GNAS: variants seen among roughly 807,000 people sequenced by gnomAD.
GNAS encodes GNAS complex locus, also known as protein ALEX.
GNAS carries 8 observed loss-of-function variants against 54.5 expected under a neutral mutation model. That is an observed-to-expected ratio of 0.15 (90% CI 0.09 to 0.26). GNAS has a LOEUF of 0.26. Among genes scored for constraint, GNAS ranks in the 10% least tolerant of loss-of-function variants. GNAS has a pLI of 1.00. For missense variants in GNAS, 170 were observed against 529.8 expected, an observed-to-expected ratio of 0.32 and a Z score of 6.67; for synonymous variants, 204 against 191.4, an observed-to-expected ratio of 1.07 and a Z score of -0.54.
chr20:58,850,850 GCTTCCAACCACCCCA>G, intron 1 of GNAS: 1 of 398,830 alleles, frequency 2.5e-6, no homozygotes, highest in Non-Finnish European at 4.4e-6. Flanking sequence ...CCCCCCACCG[GCTTCCAACCACCCCA>G]GCAGCACCTC....
chr20:58,889,368 G>A (rs1468180159), upstream of GNAS: 26 of 983,806 alleles, frequency 2.6e-5, no homozygotes, highest in Non-Finnish European at 3.0e-5. Context: ...GTCGGGGAGC[G>A]CCGGGGCCTC....
At position 58,854,377 on chromosome 20, in the gene GNAS, G is replaced by A. The variant is rs780553564; in HGVS notation, c.43+13491G>A. ...GGAGCCGCTGATGCCGCGGAGGGAGGAAAAGTACCCTCTCCGGGGTACGGA... is the reference window on the plus strand; with the variant it reads ...GGAGCCGCTGATGCCGCGGAGGGAGAAAAAGTACCCTCTCCGGGGTACGGA... On this transcript the variant is annotated intron_variant, in intron 1 of 12. Transcript: ENST00000306090. The A allele has an allele frequency of 2.9e-5, 45 of 1,570,962 alleles. No individual in the cohort carries two copies. The highest frequency in any genetic ancestry group is 5.6e-5 in the Admixed American group (3 of 53,648).
upstream of GNAS, chr20:58,891,394 A>T (rs2089275509): frequency 8.5e-6 from 2 of 236,024 alleles, no homozygotes; most frequent in East Asian, 2.2e-4. Context: ...CCGAGGCAAT[A>T]AGAGCGGCGG....
chr20:58,854,554 A>G lies in GNAS; in HGVS notation c.43+13668A>G. 1 of 1,549,598 alleles carries G rather than the reference A, an allele frequency of 6.5e-7. No homozygotes were observed. The highest frequency in any genetic ancestry group is 1.9e-5 in the Admixed American group (1 of 53,988). ...TCCGGGGCATTCGCAGCCGATCCCGACTCCGGGGCAGCCCCTGCCGCCCCA... is the reference window on the plus strand; with the variant it reads ...TCCGGGGCATTCGCAGCCGATCCCGGCTCCGGGGCAGCCCCTGCCGCCCCA... On this transcript the variant is annotated intron_variant, in intron 1 of 12. Transcript: ENST00000306090.
chr20:58,852,977 C>A (rs1362750337), intron 1 of GNAS: 3 of 1,178,954 alleles, frequency 2.5e-6, no homozygotes, highest in Admixed American at 4.2e-5. Flanking sequence ...GAGAGGAGGG[C>A]GTAAGGATAG....
chr20:58,840,796 C>T (rs771753113), upstream of GNAS: 1 of 1,612,128 alleles, frequency 6.2e-7, no homozygotes, highest in Non-Finnish European at 8.5e-7. The surrounding 1 kb of genome is among the most constrained non-coding windows in gnomAD (Gnocchi z 6.0). Flanking sequence ...GTGACGCGTC[C>T]CCGGAGTCCC....
At chr20:58,894,129 A>G (rs2089805145) in intron 1 of GNAS, among the ~76,000 whole-genome samples, 1 of 152,252 alleles carries the variant, frequency 6.6e-6, no homozygotes, top group Admixed American at 6.5e-5. Context: ...CATAAAAATT[A>G]AGTGAATTAG....
upstream of GNAS, chr20:58,839,783 C>T (rs1180351584): frequency 1.1e-5 from 6 of 571,078 alleles, no homozygotes; most frequent in Non-Finnish European, 3.1e-6. Context: ...AGAGGACCGG[C>T]GGAGGCACCT....
At chr20:58,850,182 T>C (rs1470492986) in intron 1 of GNAS, among the ~76,000 whole-genome samples, 1 of 152,142 alleles carries the variant, frequency 6.6e-6, no homozygotes, top group Non-Finnish European at 1.5e-5. Flanking sequence ...TGGAGGCCCA[T>C]ATAAAAAGTC....
upstream of GNAS, chr20:58,889,481 C>A: frequency 3.1e-5 from 10 of 324,408 alleles, no homozygotes; most frequent in Non-Finnish European, 4.4e-5. Context: ...CCTCCGGGCA[C>A]CCCCCAATTC....
chr20:58,897,184 TTGAG>T (rs779117728), intron 2 of GNAS, among the ~76,000 whole-genome samples: 88 of 152,350 alleles, frequency 5.8e-4, no homozygotes, highest in African/African-American at 7.5e-4. Flanking sequence ...ATACGTGCTA[TTGAG>T]TAAGTCAGCA....
intron 1 of GNAS, chr20:58,854,295 G>A (rs748630556): frequency 6.0e-5 from 96 of 1,607,240 alleles, no homozygotes; most frequent in Non-Finnish European, 5.5e-5. Context: ...CGGAGCCCCA[G>A]ATAAGAGAGA....
intron 5 of GNAS, among the ~76,000 whole-genome samples, chr20:58,904,970 A>G (rs982453824): frequency 6.6e-6 from 1 of 152,194 alleles, no homozygotes; most frequent in African/African-American, 2.4e-5. Flanking sequence ...ACATTTTCCC[A>G]GGAGGAAAAT....
chr20:58,891,723 C>T lies in GNAS; in HGVS notation c.-4C>T. ...GGCCGCGCCCCGCCGCCGCCGCCGC[C>T]GCCATGGGCTGCCTCGGGAACAGTA... On this transcript the variant is annotated 5_prime_UTR_variant, in exon 1 of 13. Coordinates refer to ENST00000371085, the MANE Select transcript of GNAS (RefSeq NM_000516.7). The T allele has an allele frequency of 8.9e-7, 1 of 1,119,574 alleles. No homozygotes were observed. The highest frequency in any genetic ancestry group is 2.3e-5 in the South Asian group (1 of 43,424). The allele number at this position is 1,119,574 out of a possible 1,614,324, so 69.4% of individuals were successfully genotyped here.
intron 1 of GNAS, among the ~76,000 whole-genome samples, chr20:58,858,112 G>GA (rs2086592080): frequency 6.6e-6 from 1 of 152,190 alleles, no homozygotes; most frequent in Non-Finnish European, 1.5e-5. Context: ...GGGGGACAGG[G>GA]AGAGGAGGAA....
chr20:58,844,678 A>G (rs1012556108), intron 1 of GNAS, among the ~76,000 whole-genome samples: 3 of 71,392 alleles, frequency 4.2e-5, no homozygotes, highest in African/African-American at 1.3e-4. Flanking sequence ...TTGACTCTAC[A>G]CTAGTGATTT....
At chr20:58,872,297 G>GGTTTT (rs2087522256) in intron 1 of GNAS, among the ~76,000 whole-genome samples, 1 of 152,010 alleles carries the variant, frequency 6.6e-6, no homozygotes, top group Non-Finnish European at 1.5e-5. Context: ...CCCACTAAGT[G>GGTTTT]GTTTTGTTTT....
chr20:58,855,434 A>AG, intron 1 of GNAS: 1 of 1,049,702 alleles, frequency 9.5e-7, no homozygotes, highest in Non-Finnish European at 1.4e-6. Context: ...CAGTGGGAGG[A>AG]GGGGGTCCAG....
At position 58,841,216 on chromosome 20, in the gene GNAS, G is replaced by T; in HGVS notation, c.43+330G>T. On this transcript the variant is annotated intron_variant, in intron 1 of 12. Coordinates refer to the GNAS transcript ENST00000306090. The surrounding 1 kb of genome is among the most constrained non-coding windows in gnomAD (Gnocchi z 5.0). ...AGATTTGGAGCTGCACACCCAAACGGCATTGGTAAGTCACTTGTTTTGCGC... is the reference window on the plus strand; with the variant it reads ...AGATTTGGAGCTGCACACCCAAACGTCATTGGTAAGTCACTTGTTTTGCGC... 1 of 664,934 alleles carries T rather than the reference G, an allele frequency of 1.5e-6. No individual in the cohort carries two copies. The highest frequency in any genetic ancestry group is 2.1e-6 in the Non-Finnish European group (1 of 483,114). 41.2% of individuals were successfully genotyped at this position (664,934 alleles called of 1,614,324 possible).
Sources: gnomAD v4.1 joint callset for allele counts (sites outside exome capture counted in the v4.1 genomes callset) on GRCh38, gnomAD v4.1.1 for gene constraint, Gnocchi (gnomAD v3.1) non-coding constraint, MANE v1.5 for transcripts, NCBI Gene and HGNC (gene_info 2026-07-23, HGNC 2026-07-21) for gene names.